GLI3: variants seen among roughly 807,000 people sequenced by gnomAD.
The protein encoded by GLI3 is transcription activator GLI3.
Under a neutral mutation model 100.8 loss-of-function variants are expected in GLI3, and 20 were observed. That is an observed-to-expected ratio of 0.20 (90% CI 0.14 to 0.29). The LOEUF is 0.29. GLI3 is among the 10% of genes least tolerant of loss of function. The pLI, the probability that GLI3 is intolerant of heterozygous loss-of-function variation, is 1.00. For missense variants in GLI3, 2,040 were observed against 2,128.5 expected (o/e 0.96, Z 0.82); for synonymous variants, 938 against 860.5 (o/e 1.09, Z -1.58).
At chr7:42,004,760 A>T (rs141847848) in intron 10 of GLI3, among the ~76,000 whole-genome samples, 6 of 152,252 alleles carry the variant, frequency 3.9e-5, no homozygotes, top group Middle Eastern at 3.4e-3. Flanking sequence ...TCCAGGCATA[A>T]ACCACCGTGC....
chr7:42,017,845 A>G (rs1342850917), intron 10 of GLI3, among the ~76,000 whole-genome samples: 1 of 152,174 alleles, frequency 6.6e-6, no homozygotes, highest in Non-Finnish European at 1.5e-5. Context: ...AAACAATGAG[A>G]GACTGAGTGA....
chr7:42,059,288 G>T (rs149466168), intron 4 of GLI3, among the ~76,000 whole-genome samples: 54 of 151,888 alleles, frequency 3.6e-4, no homozygotes, highest in African/African-American at 1.3e-3. Context: ...TCACGCAAAG[G>T]TATCCTTGTT....
intron 1 of GLI3, among the ~76,000 whole-genome samples, chr7:42,259,345 A>G (rs1474478246): frequency 6.6e-6 from 1 of 152,210 alleles, no homozygotes; most frequent in Non-Finnish European, 1.5e-5. Flanking sequence ...AGTAAATGGT[A>G]GCATTATCTT....
At chr7:42,083,123 C>T (rs1389563767) in intron 3 of GLI3, among the ~76,000 whole-genome samples, 1 of 152,192 alleles carries the variant, frequency 6.6e-6, no homozygotes, top group East Asian at 1.9e-4. Flanking sequence ...GCTGTGCTAA[C>T]AAACATTGGG....
chr7:42,105,707 C>T (rs1345020459), intron 3 of GLI3, among the ~76,000 whole-genome samples: 3 of 152,148 alleles, frequency 2.0e-5, no homozygotes, highest in Admixed American at 6.5e-5. Flanking sequence ...TGTGAATCCT[C>T]CCACTTAGGG....
chr7:42,200,544 G>A (rs1208182804), intron 2 of GLI3, among the ~76,000 whole-genome samples: 1 of 152,224 alleles, frequency 6.6e-6, no homozygotes, highest in Non-Finnish European at 1.5e-5. Context: ...GGAGGGGTCA[G>A]GCAGTGTTGA....
At chr7:42,226,042 T>C (rs1342613214) in intron 1 of GLI3, among the ~76,000 whole-genome samples, 1 of 152,256 alleles carries the variant, frequency 6.6e-6, no homozygotes, top group Non-Finnish European at 1.5e-5. Flanking sequence ...TCATATTCAG[T>C]GTTTCGTTGA....
rs189073769 is a variant in GLI3 at position 42,014,795 on chromosome 7, C to A, written c.1497+8673G>T. On this transcript the variant is annotated intron_variant, in intron 10 of 14. Coordinates refer to ENST00000395925, the MANE Select transcript of GLI3 (RefSeq NM_000168.6). ...TGCATGAAGCGTTTTCTTCTAGCTG[C>A]TATGCCTGCAATTTCTGTAGTGGCC... Among the ~76,000 whole-genome samples the A allele has an allele frequency of 4.6e-5, 7 of 152,288 alleles. 1 individual carries two copies. The highest frequency in any genetic ancestry group is 1.7e-4 in the African/African-American group (7 of 41,562).
chr7:42,195,499 G>A (rs77736550), intron 2 of GLI3, among the ~76,000 whole-genome samples: 3,102 of 152,204 alleles, frequency 0.02, 95 homozygotes, highest in African/African-American at 0.07. Flanking sequence ...TTTTTACAGT[G>A]CTTTTTCTGA....
intron 12 of GLI3, among the ~76,000 whole-genome samples, chr7:41,973,220 G>A (rs1410802135): frequency 6.6e-6 from 1 of 152,218 alleles, no homozygotes; most frequent in African/African-American, 2.4e-5. Context: ...CATTACAAGT[G>A]TGGGGATGTT....
At chr7:42,250,186 C>T (rs1789017148) in intron 1 of GLI3, among the ~76,000 whole-genome samples, 1 of 152,164 alleles carries the variant, frequency 6.6e-6, no homozygotes, top group Non-Finnish European at 1.5e-5. Context: ...TATGTGAAGG[C>T]TTACCCAAGA....
chr7:42,169,237 A>G (rs1583617168), intron 2 of GLI3, among the ~76,000 whole-genome samples: 1 of 152,340 alleles, frequency 6.6e-6, no homozygotes, highest in South Asian at 2.1e-4. Context: ...ACAGCTGTTT[A>G]TTTTAGACAG....
chr7:41,991,821 A>C (rs917570709), intron 10 of GLI3, among the ~76,000 whole-genome samples: 1 of 152,208 alleles, frequency 6.6e-6, no homozygotes, highest in African/African-American at 2.4e-5. Context: ...TTGAGGAAGA[A>C]GGGAAGAGAG....
rs79625212 is a variant in GLI3, at chr7:41,964,513, C to T, written c.4560G>A (p.Ser1520=). 1.1e-5 allele frequency: 18 copies of T among 1,613,956 alleles called. No individual in the cohort carries two copies. The highest frequency in any genetic ancestry group is 3.3e-4 in the Middle Eastern group (2 of 6,060). The part of the protein sequence containing the change: ...IDDGDHSSLM[S]GALSPSIIQN... ...GAATGATACTTGGGCTCAGGGCCCC[C>T]GACATCAGGCTGGAGTGGTCCCCAT... Residue 1520 remains serine (S), a synonymous_variant, in exon 15 of 15, where the codon TCG becomes TCA. Transcript: ENST00000395925.
At chr7:42,262,421 A>G (rs1562803699) in intron 1 of GLI3, among the ~76,000 whole-genome samples, 1 of 152,020 alleles carries the variant, frequency 6.6e-6, no homozygotes, top group Non-Finnish European at 1.5e-5. Flanking sequence ...CACCACAGCC[A>G]GCTAATTTTT....
intron 4 of GLI3, among the ~76,000 whole-genome samples, chr7:42,065,227 A>T (rs1044620279): frequency 2.0e-5 from 3 of 148,724 alleles, no homozygotes; most frequent in Admixed American, 6.7e-5. Flanking sequence ...TTAATTAAAT[A>T]TTATTATTTA....
chr7:42,172,976 T>G (rs996927485), intron 2 of GLI3, among the ~76,000 whole-genome samples: 3 of 152,194 alleles, frequency 2.0e-5, no homozygotes, highest in Non-Finnish European at 4.4e-5. Flanking sequence ...CACGGACAAG[T>G]GAACAAGAAG....
intron 4 of GLI3, 94 bp from the exon 5 acceptor site, chr7:42,048,790 A>G (rs1053691713): frequency 1.2e-5 from 10 of 857,080 alleles, no homozygotes; most frequent in Admixed American, 8.0e-5. Flanking sequence ...GTAAGATTTT[A>G]AGTGAATTCA....
intron 3 of GLI3, among the ~76,000 whole-genome samples, chr7:42,094,675 A>C (rs1010050264): frequency 2.0e-5 from 3 of 152,028 alleles, no homozygotes; most frequent in Non-Finnish European, 4.4e-5. Flanking sequence ...CAGAGGTTGC[A>C]GTGAGCCAAG....
Sources: allele counts gnomAD v4.1 joint callset (sites outside exome capture counted in the v4.1 genomes callset), GRCh38; gene constraint gnomAD v4.1.1; transcripts MANE v1.5; gene names NCBI Gene and HGNC (gene_info 2026-07-23, HGNC 2026-07-21).